Variants in SIPA1L3 observed in about 807,000 individuals in gnomAD.
SIPA1L3 encodes the protein signal-induced proliferation-associated 1-like protein 3.
A neutral mutation model predicts 150.1 loss-of-function variants in SIPA1L3; 59 were observed. The observed-to-expected ratio is 0.39, with a 90% CI of 0.32 to 0.49. The LOEUF is 0.49. SIPA1L3 is among the 20% of genes least tolerant of loss of function. The pLI, the probability that SIPA1L3 is intolerant of heterozygous loss-of-function variation, is 0.86. For missense variants in SIPA1L3, 2,211 were observed against 2,489.5 expected (o/e 0.89, Z 2.38); for synonymous variants, 1,070 against 1,077.6 (o/e 0.99, Z 0.14).
chr19:38,117,347 C>T (rs774804498), intron 8 of SIPA1L3, among the ~76,000 whole-genome samples: 70 of 152,272 alleles, frequency 4.6e-4, no homozygotes, highest in Non-Finnish European at 7.6e-4. Flanking sequence ...GGGCTGGGCG[C>T]AGTGGTTCAT....
chr19:38,132,598 A>C (rs1389054614), intron 10 of SIPA1L3, among the ~76,000 whole-genome samples: 1 of 151,070 alleles, frequency 6.6e-6, no homozygotes, highest in Non-Finnish European at 1.5e-5. Flanking sequence ...AAAAAAAAAA[A>C]AGAAAAAAAG....
chr19:38,184,011 G>T (rs1333753994), intron 16 of SIPA1L3, among the ~76,000 whole-genome samples: 2 of 152,190 alleles, frequency 1.3e-5, no homozygotes, highest in Non-Finnish European at 2.9e-5. Flanking sequence ...AGTGAAAGAG[G>T]AGAGGGGTGT....
chr19:38,022,851 G>C (rs1968407983), intron 1 of SIPA1L3, among the ~76,000 whole-genome samples: 2 of 152,230 alleles, frequency 1.3e-5, no homozygotes, highest in Non-Finnish European at 2.9e-5. Flanking sequence ...GGCTCAGCAG[G>C]GAGCCCTGGG....
At chr19:38,037,722 C>T (rs886856900) in intron 2 of SIPA1L3, among the ~76,000 whole-genome samples, 2 of 152,098 alleles carry the variant, frequency 1.3e-5, no homozygotes, top group East Asian at 1.9e-4. Flanking sequence ...ATAATTTTTA[C>T]CTGGTGAAAA....
At chr19:38,016,351 C>G (rs771973491) in intron 1 of SIPA1L3, among the ~76,000 whole-genome samples, 2 of 152,186 alleles carry the variant, frequency 1.3e-5, no homozygotes, top group Non-Finnish European at 2.9e-5. Flanking sequence ...ACTATATATA[C>G]GAATCAAAAC....
intron 2 of SIPA1L3, among the ~76,000 whole-genome samples, chr19:38,080,553 A>G (rs750627427): frequency 1.3e-5 from 2 of 152,220 alleles, no homozygotes; most frequent in Non-Finnish European, 1.5e-5. Flanking sequence ...TAATGCAGGC[A>G]GGGTAGTGCA....
chr19:38,086,775 G>A (rs1357257543), intron 3 of SIPA1L3, among the ~76,000 whole-genome samples: 1 of 152,220 alleles, frequency 6.6e-6, no homozygotes, highest in Non-Finnish European at 1.5e-5. Flanking sequence ...CTGCAGCGGA[G>A]TCTGGCAGTA....
intron 2 of SIPA1L3, among the ~76,000 whole-genome samples, chr19:38,031,986 A>T (rs1316113197): frequency 6.6e-6 from 1 of 152,104 alleles, no homozygotes; most frequent in Non-Finnish European, 1.5e-5. Context: ...TTGGGGAGAA[A>T]CTTTGAGGCT....
chr19:38,163,472 AGAGT>A (rs1265837020), intron 14 of SIPA1L3, among the ~76,000 whole-genome samples: 2 of 143,784 alleles, frequency 1.4e-5, no homozygotes, highest in Non-Finnish European at 3.0e-5. Flanking sequence ...CCTGAGCGAC[AGAGT>A]GAGACTCTAT....
intron 6 of SIPA1L3, among the ~76,000 whole-genome samples, chr19:38,101,808 T>C (rs957333441): frequency 1.3e-5 from 2 of 152,180 alleles, no homozygotes; most frequent in African/African-American, 4.8e-5. Context: ...GTATGCACTC[T>C]GTCTAATGTG....
intron 1 of SIPA1L3, among the ~76,000 whole-genome samples, chr19:38,001,698 G>A (rs1372118509): frequency 6.6e-6 from 1 of 152,212 alleles, no homozygotes; most frequent in African/African-American, 2.4e-5. Flanking sequence ...CAAGTGCTGG[G>A]ATCACAGGCA....
intron 2 of SIPA1L3, among the ~76,000 whole-genome samples, chr19:38,073,890 T>TG (rs1969776484): frequency 6.6e-6 from 1 of 152,054 alleles, no homozygotes; most frequent in Non-Finnish European, 1.5e-5. Flanking sequence ...TGTGCTTCTG[T>TG]GGGGGGAAAG....
chr19:38,022,167 G>C (rs1968386035), intron 1 of SIPA1L3, among the ~76,000 whole-genome samples: 1 of 152,160 alleles, frequency 6.6e-6, no homozygotes, highest in Non-Finnish European at 1.5e-5. Context: ...CTTGGGCAAG[G>C]TACCTCTCTG....
intron 9 of SIPA1L3, among the ~76,000 whole-genome samples, chr19:38,124,775 G>A (rs1971131671): frequency 2.0e-5 from 3 of 152,328 alleles, no homozygotes; most frequent in Middle Eastern, 3.4e-3. Context: ...TGAGGCTGGC[G>A]GATCACTCGC....
intron 1 of SIPA1L3, among the ~76,000 whole-genome samples, chr19:37,946,009 G>C (rs1162958944): frequency 6.6e-6 from 1 of 151,974 alleles, no homozygotes; most frequent in African/African-American, 2.4e-5. Flanking sequence ...ACAAAAATTA[G>C]CCTGGCGTGG....
At chr19:38,135,534 G>A (rs1225282965) in intron 10 of SIPA1L3, among the ~76,000 whole-genome samples, 1 of 152,204 alleles carries the variant, frequency 6.6e-6, no homozygotes, top group East Asian at 1.9e-4. Flanking sequence ...AAGCCAGCTT[G>A]CGCATCGCAT....
intron 2 of SIPA1L3, among the ~76,000 whole-genome samples, chr19:38,037,964 A>G (rs1968828348): frequency 6.6e-6 from 1 of 152,134 alleles, no homozygotes; most frequent in Non-Finnish European, 1.5e-5. Flanking sequence ...CCATGGTCAG[A>G]GGATGGCAGG....
chr19:38,039,319 A>G (rs1440171908), intron 2 of SIPA1L3, among the ~76,000 whole-genome samples: 2 of 151,188 alleles, frequency 1.3e-5, no homozygotes, highest in Non-Finnish European at 2.9e-5. Context: ...TACCTAAAAA[A>G]TGCCATACGT....
intron 2 of SIPA1L3, among the ~76,000 whole-genome samples, chr19:38,062,095 G>C (rs1221884886): frequency 6.6e-6 from 1 of 151,884 alleles, no homozygotes; most frequent in East Asian, 1.9e-4. Flanking sequence ...CTTAGTATGG[G>C]AGTGCCCTAT....
Sources: gnomAD v4.1 joint callset for allele counts (sites outside exome capture counted in the v4.1 genomes callset) on GRCh38, gnomAD v4.1.1 for gene constraint, MANE v1.5 for transcripts, NCBI Gene and HGNC (gene_info 2026-07-23, HGNC 2026-07-21) for gene names.